RNF213: variants seen among roughly 807,000 people sequenced by gnomAD.
RNF213 encodes the protein E3 ubiquitin-protein ligase RNF213.
Under a neutral mutation model 514.4 loss-of-function variants are expected in RNF213, and 341 were observed. That is an observed-to-expected ratio of 0.66 (90% CI 0.61 to 0.73). The LOEUF is 0.73. Ranked by LOEUF, RNF213 falls within the 30% of genes least tolerant of loss-of-function variation. The pLI is 0.00. For synonymous variants in RNF213, 2,655 were observed against 2,658.2 expected, an observed-to-expected ratio of 1.00 and a Z score of 0.04; for missense variants, 5,767 against 6,615.6, an observed-to-expected ratio of 0.87 and a Z score of 4.45.
chr17:80,306,817 A>C (rs1345925683), intron 12 of RNF213, among the ~76,000 whole-genome samples: 2 of 149,062 alleles, frequency 1.3e-5, no homozygotes, highest in East Asian at 2.0e-4. Flanking sequence ...ACGCCGCTGC[A>C]CTCCAGCCTG....
At position 80,351,781 on chromosome 17, in the gene RNF213, A is replaced by G. The variant is rs1184146249; in HGVS notation, c.10281A>G (p.Thr3427=). 1.2e-6 allele frequency: 2 copies of G among 1,600,296 alleles called. No homozygotes were observed. The highest frequency in any genetic ancestry group is 1.7e-6 in the Non-Finnish European group (2 of 1,167,384). The part of the protein sequence containing the change: ...ITKLSRVGRG[T]AYVGFHGGLW... ...AACTGTCCCGGGTGGGAAGAGGAAC[A>G]GCCTATGTGGGCTTCCACGGAGGTG... The change falls in exon 32 of 68, where the codon ACA becomes ACG. Residue 3427 remains threonine (T), a synonymous_variant. Coordinates refer to ENST00000582970, the MANE Select transcript of RNF213 (RefSeq NM_001256071.3).
At chr17:80,319,659 C>T in intron 17 of RNF213, 1 of 1,486,324 alleles carries the variant, frequency 6.7e-7, no homozygotes, top group South Asian at 1.3e-5. Flanking sequence ...AACACTTGCT[C>T]AGTAGGTGTG....
chr17:80,319,685 A>G (rs1207766690), intron 17 of RNF213: 2 of 1,441,334 alleles, frequency 1.4e-6, no homozygotes, highest in South Asian at 2.9e-5. Context: ...AGAGACTCCA[A>G]AGGTTGACAG....
chr17:80,395,288 A>ATT lies in RNF213; in HGVS notation c.*1790_*1791insTT, dbSNP rs2080632230. ...TTTTACTTGTCACACCTGTCTTAAT[A>ATT]AACTGGAGTTTTGCTGCTAAAGAAC... On this transcript the variant is annotated 3_prime_UTR_variant, in exon 68 of 68. Transcript: ENST00000582970. The ATT allele has an allele frequency of 6.6e-6, 1 of 152,104 alleles. No homozygotes were observed. The highest frequency in any genetic ancestry group is 2.1e-4 in the South Asian group (1 of 4,818). The allele number at this position is 152,104 out of a possible 1,614,324, so 9.4% of individuals were successfully genotyped here.
At chr17:80,369,458 T>C (rs745477582) in intron 44 of RNF213, 44 bp from the exon 45 acceptor site, 20 of 1,583,310 alleles carry the variant, frequency 1.3e-5, no homozygotes, top group Non-Finnish European at 1.6e-5. Flanking sequence ...AAGGAGGCAT[T>C]TGGGAAACAC....
At position 80,309,205 on chromosome 17, in the gene RNF213, G is replaced by T. The variant is rs376434046; in HGVS notation, c.2655+34G>T. On this transcript the variant is annotated intron_variant, in intron 14 of 67. Transcript: ENST00000582970. ...AGTCAACACACAAGGTATCACACCC[G>T]GGATAGGTGCGGAATTTCAAGCAGC... The T allele has an allele frequency of 1.9e-6, 3 of 1,613,516 alleles. No homozygotes were observed. In the South Asian group the frequency reaches 3.3e-5, roughly 18 times the overall value.
chr17:80,380,484 T>C (rs1184090874), intron 55 of RNF213, among the ~76,000 whole-genome samples: 1 of 152,138 alleles, frequency 6.6e-6, no homozygotes, highest in Non-Finnish European at 1.5e-5. Flanking sequence ...ATGCCGACTG[T>C]CCTCCCAAAC....
In RNF213 at chr17:80,376,471, C is replaced by T. The variant is rs757567845; in HGVS notation, c.13356C>T (p.Ala4452=). Residue 4452 remains alanine, a synonymous_variant, in exon 52 of 68, where the codon GCC becomes GCT. Transcript: ENST00000582970. ...TVTEMAIHAA[A]VLLCGQNELL... ...CAGAAATGGCCATTCATGCTGCAGC[C>T]GTCCTTCTGTGTGGACAGAATGAAC... 1.1e-5 allele frequency: 17 copies of T among 1,614,074 alleles called. No homozygotes were observed. Among genetic ancestry groups the T allele is most frequent in the Middle Eastern group, 1.6e-4 (1 of 6,084 alleles).
chr17:80,369,733 C>T, intron 45 of RNF213, 35 bp from the exon 46 acceptor site: 2 of 1,613,018 alleles, frequency 1.2e-6, no homozygotes, highest in Non-Finnish European at 1.7e-6. Context: ...CTGCATGTCT[C>T]ATGCAGTGAG....
rs1274984837 is a variant in RNF213 at position 80,298,439 on chromosome 17, G to A, written c.2131G>A (p.Ala711Thr). ...GGAGCTGGCCCCGCGGCACAAGGAT[G>A]CCTGGAGACAGCCTGAGGACACCTG... ...CMELAPRHKD[A>T]WRQPEDTWAA... is the part of the protein sequence containing the mutation. The change falls in exon 11 of 68, where the codon GCC (alanine) becomes ACC (threonine). Residue 711 changes from alanine to threonine, a missense_variant. This residue lies in a region of RNF213 where 592 missense variants were observed against 673.9 expected (regional missense o/e 0.88). Transcript: ENST00000582970. 9.3e-6 allele frequency: 15 copies of A among 1,614,088 alleles called. No individual in the cohort carries two copies. Among genetic ancestry groups the A allele is most frequent in the African/African-American group, 1.3e-5 (1 of 74,928 alleles).
At chr17:80,320,811 TA>T (rs1005310824) in intron 17 of RNF213, 82 of 152,064 alleles carry the variant, frequency 5.4e-4, no homozygotes, top group African/African-American at 1.8e-3. Flanking sequence ...CCTGTCTCTA[TA>T]AAAACTAAAA....
chr17:80,389,977 G>C (rs1455083687), intron 66 of RNF213, 35 bp from the exon 67 acceptor site: 1 of 1,613,912 alleles, frequency 6.2e-7, no homozygotes, highest in South Asian at 1.1e-5. Flanking sequence ...CTCCCTGCAG[G>C]CTTTAATGCT....
intron 49 of RNF213, among the ~76,000 whole-genome samples, chr17:80,374,112 G>C (rs1391018074): frequency 6.6e-6 from 1 of 151,624 alleles, no homozygotes; most frequent in East Asian, 1.9e-4. Flanking sequence ...ATGGTACTAA[G>C]AACCCCGGCA....
At position 80,345,529 on chromosome 17, in the gene RNF213, C is replaced by T. The variant is rs2078280334; in HGVS notation, c.7194C>T (p.Asp2398=). The change falls in exon 29 of 68, where the codon GAC becomes GAT. Residue 2398 remains aspartate (D), a synonymous_variant. Coordinates refer to ENST00000582970, the MANE Select transcript of RNF213 (RefSeq NM_001256071.3). This position sits in a 1 kb window ranked among gnomAD's most constrained non-coding sequence, Gnocchi z 6.0. ...ACAAAACGTATGAGCTCACAACCGA[C>T]AATATGCTTAAAATCCTTGCCATCG... The part of the protein sequence containing the change: ...DPDKTYELTT[D]NMLKILAIEM... The T allele has an allele frequency of 6.2e-7, 1 of 1,612,916 alleles. No homozygotes were observed.
intron 2 of RNF213, among the ~76,000 whole-genome samples, chr17:80,265,549 C>G (rs1226018114): frequency 1.3e-5 from 2 of 152,146 alleles, no homozygotes; most frequent in African/African-American, 4.8e-5. Flanking sequence ...CTGGTTGCCC[C>G]CAGCGTCACT....
At chr17:80,285,873 A>G (rs2044455424) in intron 3 of RNF213, among the ~76,000 whole-genome samples, 1 of 152,038 alleles carries the variant, frequency 6.6e-6, no homozygotes, top group Admixed American at 6.6e-5. Context: ...GGAGGATCTC[A>G]CCATGTTGGC....
chr17:80,363,224 G>C lies in RNF213; in HGVS notation c.11478G>C (p.Gln3826His). The C allele has an allele frequency of 6.2e-7, 1 of 1,614,204 alleles. No homozygotes were observed. Among genetic ancestry groups the C allele is most frequent in the Non-Finnish European group, 8.5e-7 (1 of 1,180,036 alleles). Residue 3826 changes from glutamine to histidine, a missense_variant, in exon 40 of 68, where the codon CAG becomes CAC. By Grantham distance (24) the Gln-to-His change is conservative. Transcript: ENST00000582970. ...ACCAGCGTTTCAGAAGCCGTCTGCA[G>C]AACTTTTCCAGAATCCTGACCATCT... Reference protein sequence around the residue: ...LAYQRFRSRLQNFSRILTIYP... With the variant: ...LAYQRFRSRLHNFSRILTIYP...
chr17:80,373,024 T>C lies in RNF213; in HGVS notation c.12801T>C (p.Cys4267=). ...ACCTGCAGCAAGTCAAGCAGTTCTG[T>C]ATCCGGGTGGAGAACGACTGGCACC... ...QCYLQQVKQF[C]IRVENDWHRV... The change falls in exon 49 of 68, where the codon TGT becomes TGC. Residue 4267 remains cysteine (C), a synonymous_variant. Transcript: ENST00000582970. The C allele has an allele frequency of 6.2e-7, 1 of 1,614,016 alleles. No homozygotes were observed. Among genetic ancestry groups the C allele is most frequent in the Non-Finnish European group, 8.5e-7 (1 of 1,179,990 alleles).
chr17:80,313,618 T>C (rs1360398107), intron 15 of RNF213, among the ~76,000 whole-genome samples: 1 of 63,108 alleles, frequency 1.6e-5, no homozygotes, highest in African/African-American at 5.8e-5. Flanking sequence ...GTGATGGTGA[T>C]TGTGGTGGAG....
Sources: allele counts gnomAD v4.1 joint callset (sites outside exome capture counted in the v4.1 genomes callset), GRCh38; gene constraint gnomAD v4.1.1; regional missense constraint gnomAD v4.1.1; non-coding constraint Gnocchi (gnomAD v3.1); transcripts MANE v1.5; gene names NCBI Gene and HGNC (gene_info 2026-07-23, HGNC 2026-07-21).